The following JAG1 variants were observed in gnomAD, a reference collection of about 807,000 sequenced individuals.
JAG1 encodes jagged canonical Notch ligand 1.
Under a neutral mutation model 148.7 loss-of-function variants are expected in JAG1, and 23 were observed. The observed-to-expected ratio is 0.15, with a 90% CI of 0.11 to 0.22. JAG1 has a LOEUF of 0.22. JAG1 is among the 10% of genes least tolerant of loss of function. The probability of loss-of-function intolerance (pLI) is 1.00; values close to 1 mark genes in which losing one functional copy is unlikely to be tolerated. For synonymous variants in JAG1, 572 were observed against 598.3 expected, an observed-to-expected ratio of 0.96 and a Z score of 0.64; for missense variants, 1,054 against 1,611.2, an observed-to-expected ratio of 0.65 and a Z score of 5.92.
intron 5 of JAG1, among the ~76,000 whole-genome samples, chr20:10,653,036 C>G (rs560324951): frequency 1.3e-5 from 2 of 152,120 alleles, no homozygotes; most frequent in African/African-American, 4.8e-5. Context: ...AAGTCATGAC[C>G]CCAGTGCACA....
chr20:10,643,833 G>C lies in JAG1; in HGVS notation c.2403C>G (p.Asp801Glu), dbSNP rs1374109748. The C allele has an allele frequency of 5.6e-6, 9 of 1,614,012 alleles. No homozygotes were observed. The highest frequency in any genetic ancestry group is 7.6e-6 in the Non-Finnish European group (9 of 1,180,008). ...CYNSGTCVDGDNWYRCECAPG... is the reference protein window; with the variant it reads ...CYNSGTCVDGENWYRCECAPG... ...GGGCACATTCGCACCGGTACCAGTT[G>C]TCTCCATCCACACAGGTGCCGCTGT... Residue 801 changes from aspartate (D) to glutamate (E), a missense_variant, in exon 20 of 26, where the codon GAC becomes GAG. Physicochemically the swap from Asp to Glu is conservative, Grantham distance 45 (BLOSUM62 2). Coordinates refer to ENST00000254958, the MANE Select transcript of JAG1 (RefSeq NM_000214.3).
chr20:10,667,188 G>A (rs1293625512), intron 2 of JAG1, among the ~76,000 whole-genome samples: 6 of 152,160 alleles, frequency 3.9e-5, no homozygotes, highest in Non-Finnish European at 7.4e-5. Context: ...CAAACGGCAC[G>A]CGTGCGGCGT....
Position 10,656,456 on chromosome 20 carries a change from T to C in JAG1, c.697A>G (p.Ile233Val), listed in dbSNP as rs369285999. 3.1e-6 allele frequency: 5 copies of C among 1,613,628 alleles called. No homozygotes were observed. Among genetic ancestry groups the C allele is most frequent in the South Asian group, 2.2e-5 (2 of 91,078 alleles). ...GWMGPECNRA[I>V]CRQGCSPKHG... is the part of the protein sequence containing the mutation. ...TTAGGACTGCAGCCTTGTCGGCAAATAGCTGTAAAAAACAGAGAAGGGCGT... is the reference window on the plus strand; with the variant it reads ...TTAGGACTGCAGCCTTGTCGGCAAACAGCTGTAAAAAACAGAGAAGGGCGT... The change falls in exon 5 of 26, where the codon ATT (isoleucine) becomes GTT (valine). Residue 233 changes from isoleucine to valine, a missense_variant and splice_region_variant. By Grantham distance (29) the Ile-to-Val change is conservative. Coordinates refer to ENST00000254958, the MANE Select transcript of JAG1 (RefSeq NM_000214.3).
intron 2 of JAG1, among the ~76,000 whole-genome samples, chr20:10,668,126 C>G (rs1232616235): frequency 7.0e-6 from 1 of 143,788 alleles, no homozygotes; most frequent in Non-Finnish European, 1.5e-5. Context: ...ACAGCAGTCA[C>G]AGGGCTGCTG....
At chr20:10,644,316 G>A (rs777838227) in intron 19 of JAG1, 41 bp downstream of exon 19, 40 of 1,088,256 alleles carry the variant, frequency 3.7e-5, no homozygotes, top group African/African-American at 3.6e-4. Context: ...ACACACACAC[G>A]ATAGTGGATG....
At chr20:10,660,237 C>G (rs2067406748) in intron 3 of JAG1, among the ~76,000 whole-genome samples, 1 of 152,234 alleles carries the variant, frequency 6.6e-6, no homozygotes, top group African/African-American at 2.4e-5. Context: ...CTAGGGCTCT[C>G]AAACTGCTGC....
At position 10,640,871 on chromosome 20, in the gene JAG1, A is replaced by G; in HGVS notation, c.3111T>C (p.Asp1037=). The change falls in exon 25 of 26, where the codon GAT becomes GAC. Residue 1037 remains aspartate (D), a synonymous_variant. Transcript: ENST00000254958. ...TGTTTCCATCACGTTTACTAACAAG[A>G]TCGATTATTTTGTCAGTGATTTCCT... ...PIKEITDKII[D]LVSKRDGNSS... The G allele has an allele frequency of 6.2e-7, 1 of 1,614,086 alleles. No homozygotes were observed. Among genetic ancestry groups the G allele is most frequent in the Non-Finnish European group, 8.5e-7 (1 of 1,179,984 alleles).
chr20:10,651,366 C>G, intron 8 of JAG1: 1 of 543,226 alleles, frequency 1.8e-6, no homozygotes, highest in South Asian at 2.5e-5. Context: ...ACGTTCCTTC[C>G]AAGAACAGAT....
At chr20:10,650,783 A>G (rs2067340731) in intron 8 of JAG1, 1 of 240,716 alleles carries the variant, frequency 4.2e-6, no homozygotes, top group South Asian at 5.7e-5. Flanking sequence ...AAAATAGCAC[A>G]CCTAGAGGCT....
chr20:10,641,285 G>C (rs772849694), intron 23 of JAG1, 41 bp from the exon 24 acceptor site: 2 of 1,612,058 alleles, frequency 1.2e-6, no homozygotes, highest in South Asian at 2.2e-5. Flanking sequence ...GTAAGATTGA[G>C]AGGAAGAACA....
intron 9 of JAG1, 106 bp downstream of exon 9, chr20:10,650,141 A>G: frequency 1.4e-6 from 1 of 736,126 alleles, no homozygotes; most frequent in Non-Finnish European, 2.5e-6. Context: ...TCTTAGCATG[A>G]TGGAGTGTGA....
In JAG1 at chr20:10,652,112, T is replaced by C. The variant is rs764817947; in HGVS notation, c.1006+19A>G. On this transcript the variant is annotated intron_variant, in intron 7 of 25. Transcript: ENST00000254958. ...AGAAAAATTAGACAAAGGGCTCTCA[T>C]TCATCTTGGACCACTTACCAATTTC... is the stretch of plus-strand genomic sequence containing the variant. 5.0e-6 allele frequency: 8 copies of C among 1,613,672 alleles called. No homozygotes were observed. The highest frequency in any genetic ancestry group is 2.2e-5 in the East Asian group (1 of 44,870).
rs1436395839 is a variant in JAG1 at position 10,663,977 on chromosome 20, C to T, written c.425G>A (p.Ser142Asn). ...GCGATACTTACGAACGGTGTCATTA[C>T]TGGAATCCCACGCCTCCACAAGCAA... is the stretch of plus-strand genomic sequence containing the variant. ...YTLLVEAWDS[S>N]NDTVQPDSII... The change falls in exon 3 of 26, where the codon AGT becomes AAT. Residue 142 changes from serine (S) to asparagine (N), a missense_variant. Ser to Asn is a conservative substitution (Grantham distance 46). Around this residue, in one of 6 missense-constraint regions of JAG1, gnomAD observed 151 missense variants for 211.1 expected, o/e 0.72. Transcript: ENST00000254958. The T allele has an allele frequency of 1.2e-6, 2 of 1,613,820 alleles. No homozygotes were observed. The highest frequency in any genetic ancestry group is 1.7e-6 in the Non-Finnish European group (2 of 1,179,704).
chr20:10,650,405 A>G (rs770769488), intron 8 of JAG1, 45 bp from the exon 9 acceptor site: 2 of 1,105,728 alleles, frequency 1.8e-6, no homozygotes, highest in East Asian at 2.4e-5. Flanking sequence ...AATTCAATCC[A>G]TCTGACAATT....
chr20:10,656,367 AAG>A, intron 5 of JAG1, 29 bp downstream of exon 5: 1 of 1,575,106 alleles, frequency 6.3e-7, no homozygotes, highest in Non-Finnish European at 8.7e-7. Context: ...GGAAAATTAA[AAG>A]AAATCTCACA....
At position 10,651,252 on chromosome 20, in the gene JAG1, C is replaced by T. The variant is rs549060249; in HGVS notation, c.1120+329G>A. 3.1e-4 allele frequency: 89 copies of T among 284,404 alleles called. 1 individual carries two copies. The South Asian group carries it at 3.5e-3, about 11-fold the overall frequency. 17.6% of individuals were successfully genotyped at this position (284,404 alleles called of 1,614,324 possible). On this transcript the variant is annotated intron_variant, in intron 8 of 25. Coordinates refer to ENST00000254958, the MANE Select transcript of JAG1 (RefSeq NM_000214.3). ...GACAGAATCCAGTAGTAAGTGACAA[C>T]CTCCCCTGAAGGCAGCCTCTCCATG...
chr20:10,641,737 C>A (rs1568792205), intron 22 of JAG1, 44 bp from the exon 23 acceptor site: 1 of 1,610,662 alleles, frequency 6.2e-7, no homozygotes, highest in Non-Finnish European at 8.5e-7. Context: ...CATGCTCATC[C>A]CTGATTCCAG....
chr20:10,650,564 T>A, intron 8 of JAG1: 1 of 571,926 alleles, frequency 1.7e-6, no homozygotes. Flanking sequence ...CCCCAGTTCA[T>A]GTAATCCCCA....
Position 10,672,820 on chromosome 20 carries a change from C to T in JAG1, c.268G>A (p.Gly90Arg). The T allele has an allele frequency of 6.2e-7, 1 of 1,613,192 alleles. No individual in the cohort carries two copies. The highest frequency in any genetic ancestry group is 8.5e-7 in the Non-Finnish European group (1 of 1,180,026). Reference sequence around the variant, plus strand: ...GACCCTGAGCCGAAGCTGCAGGGCCCCCCGGCCGTGACGCGGGACTGATAC... The same window carrying T: ...GACCCTGAGCCGAAGCTGCAGGGCCTCCCGGCCGTGACGCGGGACTGATAC... ...KEYQSRVTAG[G>R]PCSFGSGSTP... The change falls in exon 2 of 26, where the codon GGG (glycine) becomes AGG (arginine). Residue 90 changes from glycine (G) to arginine (R), a missense_variant. Gly to Arg is a moderately radical substitution (Grantham distance 125). Around this residue, in one of 6 missense-constraint regions of JAG1, gnomAD observed 151 missense variants for 211.1 expected, o/e 0.72. Transcript: ENST00000254958.
Sources: gnomAD v4.1 joint callset for allele counts (sites outside exome capture counted in the v4.1 genomes callset) on GRCh38, gnomAD v4.1.1 for gene constraint, gnomAD v4.1.1 regional missense constraint, MANE v1.5 for transcripts, NCBI Gene and HGNC (gene_info 2026-07-23, HGNC 2026-07-21) for gene names.